The following KCNMA1 variants were observed in gnomAD, a reference collection of about 807,000 sequenced individuals.
KCNMA1 encodes potassium calcium-activated channel subfamily M alpha 1.
In KCNMA1, 29 loss-of-function variants were observed where a neutral mutation model predicts 140.0. The ratio of observed to expected loss-of-function variants is 0.21; its 90% CI spans 0.15 to 0.28. KCNMA1 has a LOEUF of 0.28. Among genes scored for constraint, KCNMA1 ranks in the 10% least tolerant of loss-of-function variants. The pLI is 1.00. For missense variants in KCNMA1, 880 were observed against 1,602.2 expected, an observed-to-expected ratio of 0.55 and a Z score of 7.70; for synonymous variants, 612 against 611.9, an observed-to-expected ratio of 1.00 and a Z score of 0.00.
At chr10:77,157,926 G>A (rs2098507216) in intron 5 of KCNMA1, among the ~76,000 whole-genome samples, 1 of 152,180 alleles carries the variant, frequency 6.6e-6, no homozygotes, top group African/African-American at 2.4e-5. Flanking sequence ...GCGATGGGCT[G>A]CCTCCTTTCC....
intron 1 of KCNMA1, among the ~76,000 whole-genome samples, chr10:77,555,075 C>CACACACACACACACACACACACACA (rs1468075946): frequency 6.6e-6 from 1 of 151,916 alleles, no homozygotes; most frequent in African/African-American, 2.4e-5. Context: ...CGCACGCACA[C>CACACACACACACACACACACACACA]CACAGGAAAA....
At chr10:77,111,500 A>C (rs2097323053) in intron 7 of KCNMA1, among the ~76,000 whole-genome samples, 1 of 152,184 alleles carries the variant, frequency 6.6e-6, no homozygotes. Context: ...TACAGCAAGA[A>C]TTAGGGTGAT....
intron 2 of KCNMA1, among the ~76,000 whole-genome samples, chr10:77,337,892 T>C (rs916263681): frequency 4.6e-5 from 7 of 152,166 alleles, no homozygotes; most frequent in Non-Finnish European, 7.3e-5. Flanking sequence ...TCCTGCAGTA[T>C]GGCAAATGGA....
chr10:77,560,604 C>T (rs1311305458), intron 1 of KCNMA1, among the ~76,000 whole-genome samples: 1 of 152,202 alleles, frequency 6.6e-6, no homozygotes, highest in African/African-American at 2.4e-5. Flanking sequence ...CATTGGGATT[C>T]TGGGATGCTA....
intron 1 of KCNMA1, among the ~76,000 whole-genome samples, chr10:77,471,643 CAT>C (rs758388738): frequency 4.7e-4 from 70 of 149,024 alleles, no homozygotes; most frequent in Middle Eastern, 3.5e-3. Flanking sequence ...ACACCCAACA[CAT>C]ATAGACACAT....
At chr10:77,183,611 AG>A (rs1459920826) in intron 4 of KCNMA1, 79 bp from the exon 5 acceptor site, 1 of 1,038,900 alleles carries the variant, frequency 9.6e-7, no homozygotes, top group Non-Finnish European at 1.5e-6. Context: ...CTTTTGTCAA[AG>A]GGTAAGTTTT....
At chr10:76,889,597 A>C (rs1228807312) in intron 26 of KCNMA1, 28 bp from the exon 27 acceptor site, 10 of 1,516,704 alleles carry the variant, frequency 6.6e-6, no homozygotes, top group Non-Finnish European at 9.2e-6. Context: ...AACAGAGAGA[A>C]ACATCCTTTT....
intron 1 of KCNMA1, among the ~76,000 whole-genome samples, chr10:77,457,544 G>C (rs1182362330): frequency 1.3e-5 from 2 of 152,104 alleles, no homozygotes; most frequent in African/African-American, 4.8e-5. Context: ...CTAGCCCTAG[G>C]ATGCTAGCAG....
chr10:76,885,949 C>T lies in KCNMA1; in HGVS notation c.*1317G>A, dbSNP rs144425848. ...AATGACAAGGAGCAGCTCTCTATTGCCGTCATTACCCTGCCTAAATTGGCT... is the reference window on the plus strand; with the variant it reads ...AATGACAAGGAGCAGCTCTCTATTGTCGTCATTACCCTGCCTAAATTGGCT... On this transcript the variant is annotated 3_prime_UTR_variant, in exon 28 of 28. Transcript: ENST00000286628. 9.1e-6 allele frequency: 9 copies of T among 985,436 alleles called. No homozygotes were observed. In the African/African-American group the frequency reaches 1.0e-4, roughly 11 times the overall value. The allele number at this position is 985,436 out of a possible 1,614,324, so 61.0% of individuals were successfully genotyped here. A position where few individuals can be genotyped will look rare whatever the true frequency, so the allele number is the denominator to read the frequency against.
At chr10:77,239,518 G>T (rs1372712647) in intron 3 of KCNMA1, among the ~76,000 whole-genome samples, 1 of 152,198 alleles carries the variant, frequency 6.6e-6, no homozygotes, top group Non-Finnish European at 1.5e-5. Flanking sequence ...ACCATCAGAG[G>T]TCCTGGAGCC....
At chr10:77,098,744 C>T (rs2097009727) in intron 9 of KCNMA1, among the ~76,000 whole-genome samples, 1 of 151,882 alleles carries the variant, frequency 6.6e-6, no homozygotes, top group Non-Finnish European at 1.5e-5. Context: ...AGGTTTCTTT[C>T]TCTCTCCTTT....
intron 3 of KCNMA1, among the ~76,000 whole-genome samples, chr10:77,185,167 C>T (rs906347474): frequency 6.6e-6 from 1 of 151,862 alleles, no homozygotes; most frequent in Non-Finnish European, 1.5e-5. Flanking sequence ...CATTTTTTAT[C>T]ATCATTCAGC....
rs145415039 is a variant in KCNMA1 at position 77,456,054 on chromosome 10, T to C, written c.379-52031A>G. Among the ~76,000 whole-genome samples, 101 of 152,366 alleles carry C rather than the reference T, an allele frequency of 6.6e-4. 2 individuals are homozygous for C. In the East Asian group the frequency reaches 0.019, roughly 28 times the overall value. On this transcript the variant is annotated intron_variant, in intron 1 of 27. Transcript: ENST00000286628. Reference sequence around the variant, plus strand: ...AATTCAGCTGTAGCTTCCAGCCACCTGCCAGGCACTGTGCTGACAAGGAAG... The same window carrying C: ...AATTCAGCTGTAGCTTCCAGCCACCCGCCAGGCACTGTGCTGACAAGGAAG...
chr10:77,539,126 C>G lies in KCNMA1; in HGVS notation c.378+98139G>C, dbSNP rs539267846. ...CACCATTCATAAACCAGCTCCCCCA[C>G]CCTAGGTAAGAGCATATGTCTCTGA... is the stretch of plus-strand genomic sequence containing the variant. On this transcript the variant is annotated intron_variant, in intron 1 of 27. Coordinates refer to ENST00000286628, the MANE Select transcript of KCNMA1 (RefSeq NM_001161352.2). Among the ~76,000 whole-genome samples, 20 of 152,326 alleles carry G rather than the reference C, an allele frequency of 1.3e-4. 1 individual carries two copies. The highest frequency in any genetic ancestry group is 1.3e-3 in the Admixed American group (20 of 15,306).
At chr10:77,625,164 C>T (rs533412153) in intron 1 of KCNMA1, among the ~76,000 whole-genome samples, 1 of 152,126 alleles carries the variant, frequency 6.6e-6, no homozygotes, top group East Asian at 1.9e-4. Context: ...GAGGCTGAGG[C>T]GGGCGGATCA....
rs117998443 is a variant in KCNMA1 at position 77,390,154 on chromosome 10, T to A, written c.540+13708A>T. On this transcript the variant is annotated intron_variant, in intron 2 of 27. Transcript: ENST00000286628. ...GCAAGGGAACGAACTACTGAAAAAC[T>A]ACTGCGGCCCCCTCTATTTATGGAG... 7.3e-4 allele frequency among the ~76,000 whole-genome samples: 111 copies of A among 152,268 alleles called. 1 individual carries two copies. In the East Asian group the frequency reaches 0.016, roughly 22 times the overall value.
At chr10:77,482,991 TACA>T (rs2098416869) in intron 1 of KCNMA1, among the ~76,000 whole-genome samples, 1 of 126,750 alleles carries the variant, frequency 7.9e-6, no homozygotes, top group Admixed American at 8.2e-5. Context: ...CTCTCTCACA[TACA>T]CACACACACA....
chr10:77,107,523 C>T (rs2097220395), intron 9 of KCNMA1, among the ~76,000 whole-genome samples: 2 of 152,200 alleles, frequency 1.3e-5, no homozygotes, highest in African/African-American at 4.8e-5. Flanking sequence ...CCCCTCTCCC[C>T]CATGGCATTC....
intron 1 of KCNMA1, among the ~76,000 whole-genome samples, chr10:77,543,022 TCTCTCTCATTCTCTCTCTCTTTCTC>T (rs2060543382): frequency 4.0e-5 from 1 of 25,192 alleles, no homozygotes; most frequent in African/African-American, 3.9e-4. Flanking sequence ...TCTCTTTCTC[TCTCTCTCATTCTCTCTCTCTTTCTC>T]TCTCTCTCAT....
Sources: gnomAD v4.1 joint callset for allele counts (sites outside exome capture counted in the v4.1 genomes callset) on GRCh38, gnomAD v4.1.1 for gene constraint, MANE v1.5 for transcripts, NCBI Gene and HGNC (gene_info 2026-07-23, HGNC 2026-07-21) for gene names.